STARD8: variants seen among roughly 807,000 people sequenced by gnomAD.
The protein encoded by STARD8 is StAR related lipid transfer domain containing 8.
A neutral mutation model predicts 69.4 loss-of-function variants in STARD8; 25 were observed. The observed-to-expected ratio is 0.36, with a 90% CI of 0.26 to 0.50. STARD8 has a LOEUF of 0.50. Among genes scored for constraint, STARD8 ranks in the 20% least tolerant of loss-of-function variants. The pLI is 0.96. For missense variants in STARD8, 921 were observed against 932.5 expected (o/e 0.99, Z 0.16); for synonymous variants, 389 against 374.6 (o/e 1.04, Z -0.45).
At position 68,725,433 on chromosome X, in the gene STARD8, C is replaced by T. The variant is rs1262094322; in HGVS notation, c.*1011C>T. The T allele has an allele frequency of 9.1e-6, 1 of 110,089 alleles. No individual in the cohort carries two copies. The highest frequency in any genetic ancestry group is 3.3e-5 in the African/African-American group (1 of 30,107). The allele number at this position is 110,089 out of a possible 1,213,427, so 9.1% of individuals were successfully genotyped here. ...CTTTGCTCACATGGAAATTCAAATGCCATTCAAAGGCCACTGGTGCTTTAT... is the reference window on the plus strand; with the variant it reads ...CTTTGCTCACATGGAAATTCAAATGTCATTCAAAGGCCACTGGTGCTTTAT... On this transcript the variant is annotated 3_prime_UTR_variant, in exon 15 of 15. Coordinates refer to ENST00000374599, the MANE Select transcript of STARD8 (RefSeq NM_001142503.3).
intron 1 of STARD8, among the ~76,000 whole-genome samples, chrX:68,659,868 A>G (rs913096855): frequency 9.0e-6 from 1 of 111,453 alleles, no homozygotes; most frequent in Non-Finnish European, 1.9e-5. Flanking sequence ...GGAGGAAAGG[A>G]TGTCCTGGCA....
intron 12 of STARD8, 104 bp from the exon 13 acceptor site, chrX:68,723,522 C>T: frequency 2.9e-6 from 2 of 701,646 alleles, no homozygotes; most frequent in Non-Finnish European, 4.1e-6. Flanking sequence ...TGCAGCCTAC[C>T]CTATTAAGCC....
intron 10 of STARD8, 47 bp downstream of exon 10, chrX:68,721,793 T>C (rs761048688): frequency 2.2e-4 from 253 of 1,143,715 alleles, no homozygotes; most frequent in Non-Finnish European, 2.7e-4. Flanking sequence ...TCCAGACAAT[T>C]TGGGCCCCAC....
chrX:68,667,531 A>C (rs1051074960), intron 2 of STARD8, among the ~76,000 whole-genome samples: 1 of 112,117 alleles, frequency 8.9e-6, no homozygotes, highest in African/African-American at 3.2e-5. Context: ...CACAGGTTTC[A>C]AAATTCAAGA....
chrX:68,668,109 C>CT (rs1187232698), intron 2 of STARD8, among the ~76,000 whole-genome samples: 1 of 92,310 alleles, frequency 1.1e-5, no homozygotes, highest in Non-Finnish European at 2.1e-5. Context: ...TTCTTTCTTT[C>CT]TTTCTGTCTT....
chrX:68,696,042 T>C (rs1481071803), intron 2 of STARD8, among the ~76,000 whole-genome samples: 1 of 112,473 alleles, frequency 8.9e-6, no homozygotes, highest in Non-Finnish European at 1.9e-5. Flanking sequence ...TCACCTCTTT[T>C]CTGGCTAGAA....
At chrX:68,686,728 G>T (rs1166190137) in intron 2 of STARD8, among the ~76,000 whole-genome samples, 1 of 112,495 alleles carries the variant, frequency 8.9e-6, no homozygotes, top group Non-Finnish European at 1.9e-5. Context: ...CCCCTGGCCG[G>T]CAGTGCCCCC....
intron 1 of STARD8, among the ~76,000 whole-genome samples, chrX:68,653,463 A>C (rs1602536859): frequency 1.8e-4 from 4 of 22,730 alleles, no homozygotes; most frequent in Non-Finnish European, 3.4e-4. Context: ...ACACACACAC[A>C]CCCCACACCC....
rs1211829372 is a variant in STARD8, at chrX:68,650,434, AAGG to A, written c.45+2527_45+2529del. 4.3e-3 allele frequency among the ~76,000 whole-genome samples: 350 copies of A among 82,204 alleles called. 8 individuals carry two copies. The highest frequency in any genetic ancestry group is 0.014 in the African/African-American group (319 of 22,621). 71.4% of individuals were successfully genotyped at this position (82,204 alleles called of 115,157 possible). A position where few individuals can be genotyped will look rare whatever the true frequency, so the allele number is the denominator to read the frequency against. ...GAGCAAGATCCTATAGAAGAAGAAGAAGGAGGAGGAGGAGGAGGAGGAAGAGGA... is the reference window on the plus strand; with the variant it reads ...GAGCAAGATCCTATAGAAGAAGAAGAAGGAGGAGGAGGAGGAGGAAGAGGA... On this transcript the variant is annotated intron_variant, in intron 1 of 14. Transcript: ENST00000374599.
intron 1 of STARD8, among the ~76,000 whole-genome samples, chrX:68,660,231 T>C (rs1305411626): frequency 8.9e-6 from 1 of 111,963 alleles, no homozygotes; most frequent in East Asian, 2.8e-4. Context: ...CTTTCCCAGC[T>C]GGGATTGTTC....
intron 2 of STARD8, among the ~76,000 whole-genome samples, chrX:68,698,575 A>G (rs891768386): frequency 1.9e-5 from 2 of 104,590 alleles, no homozygotes; most frequent in Admixed American, 1.0e-4. Context: ...GCACTTGGTA[A>G]GGGTCGGGCC....
At chrX:68,694,517 T>C (rs1179999178) in intron 2 of STARD8, among the ~76,000 whole-genome samples, 1 of 111,597 alleles carries the variant, frequency 9.0e-6, no homozygotes, top group Non-Finnish European at 1.9e-5. Context: ...TCCTGACACT[T>C]GTGAAAGTTG....
chrX:68,648,575 A>G (rs934425806), intron 1 of STARD8, among the ~76,000 whole-genome samples: 1 of 111,497 alleles, frequency 9.0e-6, no homozygotes, highest in Non-Finnish European at 1.9e-5. Flanking sequence ...AGCTTAGGCA[A>G]CATAAGGAGA....
chrX:68,656,833 G>A (rs906781058), intron 1 of STARD8, among the ~76,000 whole-genome samples: 3 of 110,282 alleles, frequency 2.7e-5, no homozygotes, highest in African/African-American at 9.9e-5. Context: ...ACAGGAAGGG[G>A]AACATCACAG....
intron 2 of STARD8, among the ~76,000 whole-genome samples, chrX:68,681,069 T>C (rs147647821): frequency 0.028 from 3,092 of 111,213 alleles, 88 homozygotes; most frequent in African/African-American, 0.094. Context: ...TCTCTAGAGC[T>C]GGTAAAATGT....
chrX:68,666,106 AC>A (rs1266789737), intron 2 of STARD8, among the ~76,000 whole-genome samples: 1 of 111,587 alleles, frequency 9.0e-6, no homozygotes, highest in Non-Finnish European at 1.9e-5. Context: ...CTGGTGTCCT[AC>A]TTGGGTGTGG....
At chrX:68,653,319 C>T (rs1476821563) in intron 1 of STARD8, among the ~76,000 whole-genome samples, 1 of 26,896 alleles carries the variant, frequency 3.7e-5, no homozygotes, top group Non-Finnish European at 7.0e-5. Context: ...CACCACACAC[C>T]ACACACACAC....
In STARD8 at chrX:68,647,700, C is replaced by G. The variant is rs1198184072; in HGVS notation, c.-183C>G. The G allele has an allele frequency of 1.9e-6, 1 of 515,257 alleles. No homozygotes were observed. The highest frequency in any genetic ancestry group is 3.0e-6 in the Non-Finnish European group (1 of 330,770). The allele number at this position is 515,257 out of a possible 1,213,427, so 42.5% of individuals were successfully genotyped here. On this transcript the variant is annotated 5_prime_UTR_variant, in exon 1 of 15. Transcript: ENST00000374599. The stretch of plus-strand genomic sequence containing the variant: ...CCAGGAGGCGGGAGGCGCCCGCTGT[C>G]GAGGCAGCTGAGCCCCGGCAACCGC...
chrX:68,652,511 G>A (rs1446821111), intron 1 of STARD8, among the ~76,000 whole-genome samples: 1 of 111,219 alleles, frequency 9.0e-6, no homozygotes, highest in Admixed American at 9.6e-5. Flanking sequence ...ACGTTTAAGT[G>A]TGAGATGAAC....
Sources: allele counts gnomAD v4.1 joint callset (sites outside exome capture counted in the v4.1 genomes callset), GRCh38; gene constraint gnomAD v4.1.1; transcripts MANE v1.5; gene names NCBI Gene and HGNC (gene_info 2026-07-23, HGNC 2026-07-21).